The following POPDC1 variants were observed in gnomAD, a reference collection of about 807,000 sequenced individuals.
The protein encoded by POPDC1 is popeye domain cAMP effector 1, also known as popeye domain-containing protein 1.
At chr6:105,113,517 T>C in the POPDC1 span, among the ~76,000 whole-genome samples, 2 of 152,210 alleles carry the variant, frequency 1.3e-5, no homozygotes, top group African/African-American at 4.8e-5. Context: ...AAGTGGTACT[T>C]GCTCCTTTAG....
At chr6:105,126,291 GA>G in the POPDC1 span, among the ~76,000 whole-genome samples, 2 of 151,012 alleles carry the variant, frequency 1.3e-5, no homozygotes, top group Non-Finnish European at 3.0e-5. Flanking sequence ...AAAAGAAAAA[GA>G]AAAAAAATTA....
At chr6:105,116,506 T>G in the POPDC1 span, among the ~76,000 whole-genome samples, 1 of 152,202 alleles carries the variant, frequency 6.6e-6, no homozygotes, top group South Asian at 2.1e-4. Flanking sequence ...TGCTAGTCCC[T>G]GACAATTGTA....
chr6:105,101,126 GC>G, the POPDC1 span: 23 of 1,613,578 alleles, frequency 1.4e-5, no homozygotes. Context: ...ATTTGGAGAT[GC>G]CGGTTCAAAA....
chr6:105,122,890 T>C, the POPDC1 span, among the ~76,000 whole-genome samples: 2 of 152,206 alleles, frequency 1.3e-5, no homozygotes, highest in African/African-American at 4.8e-5. Flanking sequence ...TTGGGAAGAA[T>C]GTTGCATAAC....
chr6:105,124,581 C>A, the POPDC1 span: 1 of 1,612,078 alleles, frequency 6.2e-7, no homozygotes, highest in Non-Finnish European at 8.5e-7. Context: ...CTGAGTTGAT[C>A]TAAATTCAGG....
At chr6:105,115,925 T>C in the POPDC1 span, 2 of 1,277,300 alleles carry the variant, frequency 1.6e-6, no homozygotes, top group African/African-American at 3.0e-5. Flanking sequence ...CGTTAGTGCA[T>C]TTAAAAAAAA....
chr6:105,117,953 G>C, the POPDC1 span, among the ~76,000 whole-genome samples: 2 of 152,116 alleles, frequency 1.3e-5, no homozygotes, highest in Non-Finnish European at 1.5e-5. Flanking sequence ...GGCTGAGGTG[G>C]GAGGATCACC....
At chr6:105,116,353 C>T in the POPDC1 span, among the ~76,000 whole-genome samples, 24 of 152,292 alleles carry the variant, frequency 1.6e-4, no homozygotes, top group Admixed American at 1.1e-3. Context: ...ACTTCCTGAT[C>T]GCTGGGGTCT....
the POPDC1 span, among the ~76,000 whole-genome samples, chr6:105,118,024 A>G: frequency 3.8e-4 from 58 of 152,306 alleles, no homozygotes; most frequent in African/African-American, 1.3e-3. Flanking sequence ...TCGATCATAC[A>G]GTGGCAGCAG....
At chr6:105,107,790 G>A in the POPDC1 span, among the ~76,000 whole-genome samples, 1 of 152,140 alleles carries the variant, frequency 6.6e-6, no homozygotes, top group African/African-American at 2.4e-5. Context: ...GAATGGGAAT[G>A]TGGAAGGATT....
chr6:105,135,633 G>T, the POPDC1 span, among the ~76,000 whole-genome samples: 4 of 152,158 alleles, frequency 2.6e-5, no homozygotes, highest in Non-Finnish European at 4.4e-5. Context: ...CTACTATTAT[G>T]ACCCAAGAAC....
At chr6:105,116,441 C>T in the POPDC1 span, among the ~76,000 whole-genome samples, 124 of 152,280 alleles carry the variant, frequency 8.1e-4, no homozygotes, top group African/African-American at 2.9e-3. Context: ...CCTCTTACTC[C>T]TTTACCATCT....
the POPDC1 span, among the ~76,000 whole-genome samples, chr6:105,106,041 A>G: frequency 6.6e-6 from 1 of 152,088 alleles, no homozygotes; most frequent in Non-Finnish European, 1.5e-5. Context: ...AGAGTGGTTA[A>G]CTCCATCCTG....
the POPDC1 span, among the ~76,000 whole-genome samples, chr6:105,102,636 C>G: frequency 6.6e-6 from 1 of 152,128 alleles, no homozygotes; most frequent in Non-Finnish European, 1.5e-5. Context: ...GTTTCCATAT[C>G]TATAAAAAGG....
chr6:105,099,050 G>C, the POPDC1 span: 2 of 152,256 alleles, frequency 1.3e-5, no homozygotes, highest in African/African-American at 4.8e-5. Context: ...GTAGAGATGG[G>C]GTTTAGCCAT....
At chr6:105,111,956 G>A in the POPDC1 span, among the ~76,000 whole-genome samples, 3 of 152,108 alleles carry the variant, frequency 2.0e-5, no homozygotes, top group Admixed American at 6.5e-5. Context: ...CCCAACTACC[G>A]GCAGATGAGA....
the POPDC1 span, among the ~76,000 whole-genome samples, chr6:105,121,201 AGT>A: frequency 6.6e-6 from 1 of 152,220 alleles, no homozygotes; most frequent in African/African-American, 2.4e-5. Flanking sequence ...GCTTGCAAAC[AGT>A]AAAGCTCACT....
chr6:105,115,964 T>G, the POPDC1 span: 1 of 669,524 alleles, frequency 1.5e-6, no homozygotes, highest in Non-Finnish European at 2.3e-6. Context: ...AGGTGGCCAA[T>G]AAACATAAGC....
At chr6:105,123,758 G>A in the POPDC1 span, among the ~76,000 whole-genome samples, 5 of 152,162 alleles carry the variant, frequency 3.3e-5, no homozygotes, top group African/African-American at 9.7e-5. Context: ...TTGCCATTAC[G>A]AAGAACTTCG....
Sources: allele counts gnomAD v4.1 joint callset (sites outside exome capture counted in the v4.1 genomes callset), GRCh38; gene constraint gnomAD v4.1.1; transcripts MANE v1.5; gene names NCBI Gene and HGNC (gene_info 2026-07-23, HGNC 2026-07-21).